PTPRA: variants seen among roughly 807,000 people sequenced by gnomAD.
The protein encoded by PTPRA is protein tyrosine phosphatase receptor type A.
Under a neutral mutation model 104.8 loss-of-function variants are expected in PTPRA, and 25 were observed. That is an observed-to-expected ratio of 0.24 (90% CI 0.17 to 0.33). The LOEUF is 0.33. PTPRA is among the 10% of genes least tolerant of loss of function. The pLI is 1.00. For synonymous variants in PTPRA, 323 were observed against 368.9 expected (o/e 0.88, Z 1.43); for missense variants, 765 against 1,015.3 (o/e 0.75, Z 3.35).
At chr20:2,881,277 C>G (rs1238615238) in intron 1 of PTPRA, among the ~76,000 whole-genome samples, 1 of 151,592 alleles carries the variant, frequency 6.6e-6, no homozygotes, top group African/African-American at 2.4e-5. Flanking sequence ...CGCCACTGCA[C>G]TCAAGCCTGG....
chr20:3,023,024 T>C (rs1400044288), intron 16 of PTPRA, among the ~76,000 whole-genome samples, 200 bp downstream of exon 16: 1 of 152,242 alleles, frequency 6.6e-6, no homozygotes, highest in Non-Finnish European at 1.5e-5. Flanking sequence ...TGTTCTGTAC[T>C]AAGAAAAATT....
chr20:2,868,618 C>CTT (rs56081198), upstream of PTPRA, among the ~76,000 whole-genome samples: 59 of 45,214 alleles, frequency 1.3e-3, 6 homozygotes, highest in Middle Eastern at 0.024. Context: ...TCATTCTGGG[C>CTT]TTTTTTTTTT....
At chr20:3,000,165 G>A (rs1184548117) in intron 9 of PTPRA, among the ~76,000 whole-genome samples, 2 of 152,120 alleles carry the variant, frequency 1.3e-5, no homozygotes, top group African/African-American at 2.4e-5. Flanking sequence ...GCGGGCGCCT[G>A]TAATCCCAGC....
Position 2,910,099 on chromosome 20 carries a change from CAT to C in PTPRA, c.-128-13100_-128-13099del, listed in dbSNP as rs1334068514. 1.5e-3 allele frequency among the ~76,000 whole-genome samples: 179 copies of C among 117,086 alleles called. 1 individual carries two copies. In the East Asian group the frequency reaches 0.019, roughly 13 times the overall value. 76.8% of individuals were successfully genotyped at this position (117,086 alleles called of 152,430 possible). A position where few individuals can be genotyped will look rare whatever the true frequency, so the allele number is the denominator to read the frequency against. On this transcript the variant is annotated intron_variant, in intron 1 of 23. Transcript: ENST00000399903. Reference sequence around the variant, plus strand: ...GATGTATAGTATATATGATATATAACATATATATAATATATGATGTATAGTAT... The same window carrying C: ...GATGTATAGTATATATGATATATAACATATATAATATATGATGTATAGTAT...
At chr20:2,865,946 G>A in the PTPRA span, 1 of 522,440 alleles carries the variant, frequency 1.9e-6, no homozygotes, top group South Asian at 2.2e-5. The surrounding 1 kb of genome is among the most constrained non-coding windows in gnomAD (Gnocchi z 5.2). Flanking sequence ...AACGCCTGTT[G>A]CAAGGGGTAA....
chr20:2,989,814 G>A (rs1041792757), intron 9 of PTPRA, among the ~76,000 whole-genome samples: 26 of 152,168 alleles, frequency 1.7e-4, no homozygotes, highest in African/African-American at 4.6e-4. Flanking sequence ...TCAGGAGATC[G>A]AGACCATCCT....
intron 1 of PTPRA, among the ~76,000 whole-genome samples, chr20:2,899,000 A>T (rs1293477523): frequency 2.0e-5 from 3 of 152,208 alleles, no homozygotes; most frequent in Non-Finnish European, 4.4e-5. Context: ...TGTTCTTTCT[A>T]TTGGGGTGTT....
At chr20:3,026,637 A>C in intron 17 of PTPRA, 50 bp from the exon 18 acceptor site, 1 of 1,447,524 alleles carries the variant, frequency 6.9e-7, no homozygotes. Flanking sequence ...TAATCTTGTC[A>C]AGTTCAGTTA....
At chr20:2,963,020 A>T (rs561739367) in intron 3 of PTPRA, among the ~76,000 whole-genome samples, 3 of 152,322 alleles carry the variant, frequency 2.0e-5, no homozygotes, top group African/African-American at 7.2e-5. Context: ...TTTCTCTAGC[A>T]CTAGCTCAGT....
At chr20:2,956,622 C>T (rs888084244) in intron 3 of PTPRA, among the ~76,000 whole-genome samples, 4 of 151,694 alleles carry the variant, frequency 2.6e-5, no homozygotes, top group Admixed American at 6.6e-5. Context: ...CACTGCACTC[C>T]AACCAGAGTG....
chr20:3,011,208 G>C (rs1051274074), intron 11 of PTPRA, among the ~76,000 whole-genome samples: 1 of 152,226 alleles, frequency 6.6e-6, no homozygotes, highest in Non-Finnish European at 1.5e-5. Flanking sequence ...AGGGTTAAAT[G>C]GGGGACCTTA....
intron 10 of PTPRA, 71 bp from the exon 11 acceptor site, chr20:3,007,273 G>C (rs1262147702): frequency 4.1e-6 from 6 of 1,445,888 alleles, no homozygotes; most frequent in Admixed American, 1.7e-5. Context: ...TGTCTCAACT[G>C]TCCTGGTTGC....
chr20:2,864,990 C>G, the PTPRA span: 6 of 1,613,996 alleles, frequency 3.7e-6, no homozygotes, highest in East Asian at 2.2e-5. The surrounding 1 kb of genome is among the most constrained non-coding windows in gnomAD (Gnocchi z 5.2). Context: ...TATTGAGGGG[C>G]GAGTAGCAGC....
chr20:2,982,693 C>G (rs540889978), intron 6 of PTPRA, among the ~76,000 whole-genome samples: 2 of 151,376 alleles, frequency 1.3e-5, no homozygotes, highest in Non-Finnish European at 2.9e-5. Context: ...TAGGAAATAA[C>G]AGCAATTTTT....
intron 11 of PTPRA, among the ~76,000 whole-genome samples, chr20:3,009,127 T>C (rs1348826108): frequency 6.6e-6 from 1 of 152,098 alleles, no homozygotes; most frequent in Non-Finnish European, 1.5e-5. Context: ...CTCATGGTTG[T>C]GTACTGAACA....
chr20:2,898,899 T>C (rs1367752570), intron 1 of PTPRA, among the ~76,000 whole-genome samples: 1 of 152,246 alleles, frequency 6.6e-6, no homozygotes, highest in African/African-American at 2.4e-5. Context: ...TTTTGTTATC[T>C]CAGTCGTGGA....
Position 3,021,366 on chromosome 20 carries a change from G to A in PTPRA, c.1099G>A (p.Val367Met). ...CTGCTGGACCTATGGGAATATTCGG[G>A]TGTCTGTAGAGGATGTGACTGTCCT... Reference protein sequence around the residue: ...QGCWTYGNIRVSVEDVTVLVD... With the variant: ...QGCWTYGNIRMSVEDVTVLVD... Residue 367 changes from valine (V) to methionine (M), a missense_variant, in exon 14 of 24, where the codon GTG becomes ATG. Val to Met is a conservative substitution (Grantham distance 21, BLOSUM62 1). This residue lies in a region of PTPRA where 245 missense variants were observed against 398.7 expected (regional missense o/e 0.61). Coordinates refer to ENST00000399903, the MANE Select transcript of PTPRA (RefSeq NM_001385305.1). The A allele has an allele frequency of 6.2e-7, 1 of 1,614,106 alleles. No individual in the cohort carries two copies. The highest frequency in any genetic ancestry group is 8.5e-7 in the Non-Finnish European group (1 of 1,179,972).
chr20:3,025,452 CA>C (rs11087563), intron 17 of PTPRA, among the ~76,000 whole-genome samples: 1,524 of 108,402 alleles, frequency 0.014, 23 homozygotes, highest in African/African-American at 0.041. Flanking sequence ...GACTCCATCT[CA>C]AAAAAAAAAA....
At chr20:2,887,016 G>C (rs1249990755) in intron 1 of PTPRA, among the ~76,000 whole-genome samples, 1 of 152,100 alleles carries the variant, frequency 6.6e-6, no homozygotes, top group Non-Finnish European at 1.5e-5. Context: ...TCACAGTTTA[G>C]TAAACACAGC....
Sources: allele counts gnomAD v4.1 joint callset (sites outside exome capture counted in the v4.1 genomes callset), GRCh38; gene constraint gnomAD v4.1.1; regional missense constraint gnomAD v4.1.1; non-coding constraint Gnocchi (gnomAD v3.1); transcripts MANE v1.5; gene names NCBI Gene and HGNC (gene_info 2026-07-23, HGNC 2026-07-21).